The following BRINP1 variants were observed in gnomAD, a reference collection of about 807,000 sequenced individuals.
BRINP1 encodes the protein BMP/retinoic acid inducible neural specific 1.
In BRINP1, 17 loss-of-function variants were observed where a neutral mutation model predicts 72.9. That is an observed-to-expected ratio of 0.23 (90% CI 0.16 to 0.35). The LOEUF is 0.35. BRINP1 is among the 10% of genes least tolerant of loss of function. The probability of loss-of-function intolerance (pLI) is 1.00; values close to 1 mark genes in which losing one functional copy is unlikely to be tolerated. For synonymous variants in BRINP1, 418 were observed against 378.5 expected (o/e 1.10, Z -1.21); for missense variants, 850 against 1,001.6 (o/e 0.85, Z 2.04).
chr9:119,328,726 T>C (rs1411682060), intron 1 of BRINP1, among the ~76,000 whole-genome samples: 2 of 152,092 alleles, frequency 1.3e-5, no homozygotes, highest in Admixed American at 6.5e-5. Flanking sequence ...ACAATGTTGT[T>C]GGAGCAAAGG....
rs565067963 is a variant in BRINP1 at position 119,321,183 on chromosome 9, G to A, written c.-50-7778C>T. Among the ~76,000 whole-genome samples, 44 of 152,180 alleles carry A rather than the reference G, an allele frequency of 2.9e-4. No homozygotes were observed. The South Asian group carries it at 8.9e-3, about 31-fold the overall frequency. On this transcript the variant is annotated intron_variant, in intron 1 of 7. Transcript: ENST00000265922. ...CCAGACCTCGTGATCCACCCGCCTC[G>A]GCCTCCCAAAGTGCTGGGATTACAG...
intron 7 of BRINP1, among the ~76,000 whole-genome samples, chr9:119,177,438 C>T (rs1011357596): frequency 1.4e-4 from 22 of 152,184 alleles, no homozygotes; most frequent in South Asian, 2.1e-4. Flanking sequence ...GCCCTCCACA[C>T]GGCCCTGATT....
At chr9:119,244,831 A>G (rs1445420535) in intron 3 of BRINP1, among the ~76,000 whole-genome samples, 2 of 152,054 alleles carry the variant, frequency 1.3e-5, no homozygotes, top group Admixed American at 6.5e-5. Context: ...GCCTTTTCTG[A>G]GTCTTTCTGT....
chr9:119,185,306 G>C (rs1266211652), intron 7 of BRINP1, among the ~76,000 whole-genome samples: 1 of 152,088 alleles, frequency 6.6e-6, no homozygotes, highest in Non-Finnish European at 1.5e-5. Flanking sequence ...CAAGAACAAT[G>C]ACAACACACA....
At chr9:119,282,947 T>C (rs1332274053) in intron 2 of BRINP1, 1 of 985,264 alleles carries the variant, frequency 1.0e-6, no homozygotes, top group Non-Finnish European at 1.2e-6. Context: ...CTCTCTTCAA[T>C]GTTATATTAA....
chr9:119,194,196 T>C (rs1451943991), intron 7 of BRINP1, among the ~76,000 whole-genome samples: 1 of 152,228 alleles, frequency 6.6e-6, no homozygotes, highest in African/African-American at 2.4e-5. Flanking sequence ...CATGAATTAC[T>C]GATCCACAAA....
intron 2 of BRINP1, among the ~76,000 whole-genome samples, chr9:119,291,533 C>G (rs551873316): frequency 6.6e-6 from 1 of 152,310 alleles, no homozygotes; most frequent in East Asian, 1.9e-4. Context: ...CACCAATTTT[C>G]TCTCTGGAGC....
intron 5 of BRINP1, among the ~76,000 whole-genome samples, chr9:119,233,810 C>T (rs1411245011): frequency 6.6e-6 from 1 of 152,146 alleles, no homozygotes; most frequent in Non-Finnish European, 1.5e-5. Flanking sequence ...CATTCCTCTC[C>T]CTAAAGGTTA....
chr9:119,309,824 TAGG>T (rs972631232), intron 2 of BRINP1, among the ~76,000 whole-genome samples: 3 of 152,108 alleles, frequency 2.0e-5, no homozygotes, highest in Non-Finnish European at 2.9e-5. Flanking sequence ...TATGTGGGGA[TAGG>T]AGGATATATG....
intron 2 of BRINP1, among the ~76,000 whole-genome samples, chr9:119,260,019 C>A (rs1830482036): frequency 6.6e-6 from 1 of 152,182 alleles, no homozygotes; most frequent in African/African-American, 2.4e-5. Context: ...CTCAGCTAGA[C>A]CCTTAGTCAT....
intron 2 of BRINP1, among the ~76,000 whole-genome samples, chr9:119,260,652 G>C (rs1451093285): frequency 6.6e-6 from 1 of 152,166 alleles, no homozygotes; most frequent in East Asian, 1.9e-4. Context: ...CCTTCTTGGA[G>C]AACTTTTAAA....
At chr9:119,205,842 T>A (rs1381108921) in intron 7 of BRINP1, among the ~76,000 whole-genome samples, 1 of 149,898 alleles carries the variant, frequency 6.7e-6, no homozygotes, top group Non-Finnish European at 1.5e-5. Flanking sequence ...TTGTTTGAAT[T>A]CTTATCATGG....
intron 2 of BRINP1, among the ~76,000 whole-genome samples, chr9:119,295,351 G>T (rs560294690): frequency 5.4e-4 from 82 of 152,110 alleles, no homozygotes; most frequent in African/African-American, 1.8e-3. Context: ...AGATGATTTT[G>T]TCATTGTACA....
At chr9:119,262,339 C>T (rs892864899) in intron 2 of BRINP1, among the ~76,000 whole-genome samples, 1 of 151,936 alleles carries the variant, frequency 6.6e-6, no homozygotes, top group Admixed American at 6.6e-5. Flanking sequence ...ATTTTGTCCT[C>T]CTTAAAAGCT....
intron 7 of BRINP1, among the ~76,000 whole-genome samples, chr9:119,205,719 G>T (rs1319763724): frequency 1.3e-5 from 2 of 152,126 alleles, no homozygotes; most frequent in African/African-American, 4.8e-5. Context: ...GATGCTTGGT[G>T]TTCTGGAGAT....
chr9:119,230,187 T>C (rs932129045), intron 5 of BRINP1, among the ~76,000 whole-genome samples: 5 of 152,100 alleles, frequency 3.3e-5, no homozygotes, highest in Admixed American at 2.6e-4. Flanking sequence ...AGAAATGGCA[T>C]GGGTCTGGAG....
intron 1 of BRINP1, among the ~76,000 whole-genome samples, chr9:119,338,247 T>TGTTTC (rs779745580): frequency 1.3e-3 from 1 of 772 alleles, no homozygotes; most frequent in African/African-American, 1.3e-3. Flanking sequence ...TTTTTGTTTC[T>TGTTTC]TTTTTTTTTT....
At position 119,310,648 on chromosome 9, in the gene BRINP1, G is replaced by A. The variant is rs117324482; in HGVS notation, c.218+2490C>T. Among the ~76,000 whole-genome samples, 517 of 152,248 alleles carry A rather than the reference G, an allele frequency of 3.4e-3. 11 individuals carry two copies. The highest frequency in any genetic ancestry group is 0.027 in the Admixed American group (418 of 15,282). On this transcript the variant is annotated intron_variant, in intron 2 of 7. Transcript: ENST00000265922. ...GAGGAGGGAACTGGTGGAAGCTTGA[G>A]GTCTGGGCAGATCAGTAAAGCTGGC...
At chr9:119,209,615 A>G (rs1230790690) in intron 6 of BRINP1, among the ~76,000 whole-genome samples, 1 of 152,142 alleles carries the variant, frequency 6.6e-6, no homozygotes, top group Non-Finnish European at 1.5e-5. Flanking sequence ...GAATTCTCCA[A>G]AGAAAATCAC....
Sources: gnomAD v4.1 joint callset for allele counts (sites outside exome capture counted in the v4.1 genomes callset) on GRCh38, gnomAD v4.1.1 for gene constraint, MANE v1.5 for transcripts, NCBI Gene and HGNC (gene_info 2026-07-23, HGNC 2026-07-21) for gene names.